ECT2L: variants seen among roughly 807,000 people sequenced by gnomAD.
ECT2L encodes epithelial cell-transforming sequence 2 oncogene-like.
Under a neutral mutation model 122.8 loss-of-function variants are expected in ECT2L, and 126 were observed. That is an observed-to-expected ratio of 1.03 (90% CI 0.89 to 1.19). ECT2L has a LOEUF of 1.19. Ranked by LOEUF, ECT2L falls within the 50% of genes most tolerant of loss-of-function variation. The probability of loss-of-function intolerance (pLI) is 0.00; values close to 1 mark genes in which losing one functional copy is unlikely to be tolerated. For synonymous variants in ECT2L, 385 were observed against 381.8 expected (o/e 1.01, Z -0.10); for missense variants, 1,012 against 1,064.1 (o/e 0.95, Z 0.68).
At chr6:138,830,109 GC>G (rs1169247839) in intron 4 of ECT2L, among the ~76,000 whole-genome samples, 1 of 152,110 alleles carries the variant, frequency 6.6e-6, no homozygotes, top group Non-Finnish European at 1.5e-5. Flanking sequence ...GTTTTGTTTT[GC>G]TTTTGAATTT....
chr6:138,897,834 C>T (rs1255654172), intron 20 of ECT2L, among the ~76,000 whole-genome samples: 1 of 152,102 alleles, frequency 6.6e-6, no homozygotes, highest in Non-Finnish European at 1.5e-5. Flanking sequence ...AAGTGGGTCA[C>T]AAAACTGGAA....
intron 1 of ECT2L, among the ~76,000 whole-genome samples, chr6:138,810,585 A>T (rs1314749163): frequency 6.6e-6 from 1 of 152,216 alleles, no homozygotes; most frequent in Non-Finnish European, 1.5e-5. Context: ...TTGTCAAGGG[A>T]ATCCCTGGCA....
At chr6:138,806,464 A>G (rs1013300530) in intron 1 of ECT2L, among the ~76,000 whole-genome samples, 2 of 148,160 alleles carry the variant, frequency 1.3e-5, no homozygotes, top group African/African-American at 5.0e-5. Flanking sequence ...CCCTTGACCA[A>G]TGTGGGAGTT....
At chr6:138,824,030 C>T (rs1240290744) in intron 4 of ECT2L, among the ~76,000 whole-genome samples, 1 of 149,666 alleles carries the variant, frequency 6.7e-6, no homozygotes, top group Non-Finnish European at 1.5e-5. Context: ...TTGTAACAGG[C>T]ATAAGTGAAT....
At chr6:138,839,692 A>T (rs1583576726) in intron 5 of ECT2L, among the ~76,000 whole-genome samples, 1 of 152,258 alleles carries the variant, frequency 6.6e-6, no homozygotes, top group East Asian at 1.9e-4. Context: ...GTAAACACTG[A>T]TATATTTGTG....
At chr6:138,819,841 C>A (rs1583554810) in intron 4 of ECT2L, among the ~76,000 whole-genome samples, 1 of 151,506 alleles carries the variant, frequency 6.6e-6, no homozygotes, top group Non-Finnish European at 1.5e-5. Flanking sequence ...GAACTGAGAT[C>A]GCACCATTGC....
chr6:138,876,545 C>G lies in ECT2L; in HGVS notation c.1652C>G (p.Ala551Gly). The G allele has an allele frequency of 6.2e-7, 1 of 1,609,022 alleles. No homozygotes were observed. Among genetic ancestry groups the G allele is most frequent in the Non-Finnish European group, 8.5e-7 (1 of 1,175,830 alleles). ...RLSKNDLNFE[A>G]LINLERILQK... ...AGCAAAAATGATTTAAATTTTGAAG[C>G]ACTGATTAATCTGGTAAGCTATTAT... The change falls in exon 14 of 22, where the codon GCA becomes GGA. Residue 551 changes from alanine to glycine, a missense_variant. Physicochemically the swap from Ala to Gly is moderately conservative, Grantham distance 60. Coordinates refer to ENST00000541398, the MANE Select transcript of ECT2L (RefSeq NM_001077706.3).
intron 12 of ECT2L, 101 bp from the exon 13 acceptor site, chr6:138,867,999 CAAA>C (rs754296302): frequency 0.017 from 5,620 of 332,182 alleles, 32 homozygotes; most frequent in African/African-American, 0.066. Context: ...GATTCTGTCT[CAAA>C]AAAAAAAAAA....
At position 138,843,164 on chromosome 6, in the gene ECT2L, A is replaced by G; in HGVS notation, c.528A>G (p.Glu176=). The change falls in exon 6 of 22, where the codon GAA becomes GAG. Residue 176 remains glutamate, a synonymous_variant. Coordinates refer to ENST00000541398, the MANE Select transcript of ECT2L (RefSeq NM_001077706.3). ...TLNEPKTEDE[E]LLERQREKCL... ...ATGAACCCAAAACAGAAGATGAGGA[A>G]CTACTGGAGAGACAAAGAGAAAAGT... The G allele has an allele frequency of 6.2e-7, 1 of 1,613,752 alleles. No homozygotes were observed. Among genetic ancestry groups the G allele is most frequent in the Non-Finnish European group, 8.5e-7 (1 of 1,179,778 alleles).
chr6:138,837,652 A>T (rs1209397617), intron 4 of ECT2L, among the ~76,000 whole-genome samples: 1 of 151,656 alleles, frequency 6.6e-6, no homozygotes, highest in Admixed American at 6.6e-5. Flanking sequence ...AAAAAAAAAA[A>T]AAAACAACAA....
intron 1 of ECT2L, among the ~76,000 whole-genome samples, chr6:138,802,203 C>G (rs553179425): frequency 6.6e-6 from 1 of 152,338 alleles, no homozygotes; most frequent in South Asian, 2.1e-4. Flanking sequence ...TTAGGAGGAA[C>G]TGTATCCCTC....
At chr6:138,842,934 C>G in intron 5 of ECT2L, 45 bp from the exon 6 acceptor site, 1 of 1,404,106 alleles carries the variant, frequency 7.1e-7, no homozygotes, top group Non-Finnish European at 9.4e-7. Context: ...TGCTAGAAAA[C>G]TGTCTGAAAA....
intron 4 of ECT2L, among the ~76,000 whole-genome samples, chr6:138,830,042 A>G (rs1297644067): frequency 6.6e-6 from 1 of 152,182 alleles, no homozygotes; most frequent in African/African-American, 2.4e-5. Context: ...TGTGTTTTAG[A>G]ATGGAATAAT....
intron 4 of ECT2L, among the ~76,000 whole-genome samples, chr6:138,827,756 A>G (rs1776501486): frequency 6.6e-6 from 1 of 152,020 alleles, no homozygotes; most frequent in Non-Finnish European, 1.5e-5. Context: ...ACGGGGTTTC[A>G]CCATGTTGGC....
intron 11 of ECT2L, among the ~76,000 whole-genome samples, chr6:138,864,789 T>A (rs574843374): frequency 2.0e-5 from 3 of 152,252 alleles, no homozygotes; most frequent in Non-Finnish European, 4.4e-5. Context: ...AGAGTAGACA[T>A]GCATTTGAAA....
rs535188438 is a variant in ECT2L at position 138,868,102 on chromosome 6, G to T, written c.1475-1G>T. The T allele has an allele frequency of 1.2e-5, 19 of 1,599,682 alleles. No homozygotes were observed. Among genetic ancestry groups the T allele is most frequent in the Admixed American group, 1.7e-5 (1 of 58,656 alleles). ...CAGGGCATGTGGCCTTGTATTTACA[G>T]GGCAGTTTATGTTTGACACCATGGG... On this transcript the variant is annotated splice_acceptor_variant, in intron 12 of 21. Coordinates refer to ENST00000541398, the MANE Select transcript of ECT2L (RefSeq NM_001077706.3). LOFTEE classifies it high-confidence loss of function.
intron 13 of ECT2L, among the ~76,000 whole-genome samples, chr6:138,869,997 G>A (rs375994491): frequency 6.6e-6 from 1 of 152,174 alleles, no homozygotes; most frequent in Admixed American, 6.5e-5. Flanking sequence ...AATATGAGAT[G>A]AACTAGAAAG....
intron 13 of ECT2L, among the ~76,000 whole-genome samples, chr6:138,875,020 G>A (rs368592634): frequency 7.2e-5 from 11 of 152,282 alleles, no homozygotes; most frequent in South Asian, 2.1e-4. Context: ...TTGGGAGGTC[G>A]AGGCTGCAGT....
At chr6:138,829,922 C>T (rs1467200345) in intron 4 of ECT2L, among the ~76,000 whole-genome samples, 1 of 152,096 alleles carries the variant, frequency 6.6e-6, no homozygotes, top group Admixed American at 6.5e-5. Context: ...TGGGGTTTCA[C>T]CATGTTAGCC....
Sources: allele counts gnomAD v4.1 joint callset (sites outside exome capture counted in the v4.1 genomes callset), GRCh38; gene constraint gnomAD v4.1.1; transcripts MANE v1.5; gene names NCBI Gene and HGNC (gene_info 2026-07-23, HGNC 2026-07-21).